CLIP2: variants seen among roughly 807,000 people sequenced by gnomAD.
CLIP2 encodes CAP-Gly domain-containing linker protein 2.
A neutral mutation model predicts 111.7 loss-of-function variants in CLIP2; 41 were observed. That is an observed-to-expected ratio of 0.37 (90% confidence interval 0.29 to 0.48). The LOEUF (loss-of-function observed/expected upper bound fraction) is 0.48. Among genes scored for constraint, CLIP2 ranks in the 20% least tolerant of loss-of-function variants. CLIP2 has a pLI of 0.99. For missense variants in CLIP2, 1,160 were observed against 1,422.1 expected (o/e 0.82, Z 2.96); for synonymous variants, 660 against 644.2 (o/e 1.02, Z -0.37).
At position 74,338,355 on chromosome 7, in the gene CLIP2, G is replaced by C; in HGVS notation, c.122-93G>C. ...CATCTCTACCCAAAAATACAAATCA[G>C]CCACCTCCCAACCCTAGACTCTGTG... On this transcript the variant is annotated intron_variant, in intron 2 of 16. Coordinates refer to ENST00000223398, the MANE Select transcript of CLIP2 (RefSeq NM_003388.5). This position sits in a 1 kb window ranked among gnomAD's most constrained non-coding sequence, Gnocchi z 4.3. The C allele has an allele frequency of 7.4e-7, 1 of 1,344,198 alleles. No homozygotes were observed. Among genetic ancestry groups the C allele is most frequent in the Non-Finnish European group, 1.0e-6 (1 of 995,278 alleles). 83.3% of individuals were successfully genotyped at this position (1,344,198 alleles called of 1,614,324 possible).
chr7:74,294,270 G>T (rs1788110047), intron 1 of CLIP2, among the ~76,000 whole-genome samples: 1 of 152,208 alleles, frequency 6.6e-6, no homozygotes, highest in Non-Finnish European at 1.5e-5. Flanking sequence ...GGGCTGCAAG[G>T]CTAGGGCCGT....
chr7:74,338,858 C>A lies in CLIP2; in HGVS notation c.532C>A (p.Pro178Thr). The change falls in exon 3 of 17, where the codon CCC becomes ACC. Residue 178 changes from proline to threonine, a missense_variant. Pro to Thr is a conservative substitution (Grantham distance 38). Transcript: ENST00000223398. This position sits in a 1 kb window ranked among gnomAD's most constrained non-coding sequence, Gnocchi z 4.3. ...GTCATTGCATTCGGGCACGGCCACGCCCCCGCTGACCAGCCGCGTCATCCC... is the reference window on the plus strand; with the variant it reads ...GTCATTGCATTCGGGCACGGCCACGACCCCGCTGACCAGCCGCGTCATCCC... ...NLSLHSGTAT[P>T]PLTSRVIPLR... 6.2e-7 allele frequency: 1 copy of A among 1,608,960 alleles called. No individual in the cohort carries two copies. The highest frequency in any genetic ancestry group is 8.5e-7 in the Non-Finnish European group (1 of 1,179,894).
At chr7:74,291,514 G>A (rs1436154339) in intron 1 of CLIP2, among the ~76,000 whole-genome samples, 1 of 152,120 alleles carries the variant, frequency 6.6e-6, no homozygotes, top group African/African-American at 2.4e-5. Context: ...TCTCTGCCTC[G>A]ACATCCTCAT....
intron 13 of CLIP2, among the ~76,000 whole-genome samples, chr7:74,391,922 T>C (rs1248842089): frequency 1.3e-5 from 2 of 151,928 alleles, no homozygotes; most frequent in Non-Finnish European, 2.9e-5. Context: ...AATGGGAAGA[T>C]CTGGCATGGC....
At chr7:74,291,394 A>G (rs1584295746) in intron 1 of CLIP2, among the ~76,000 whole-genome samples, 1 of 152,340 alleles carries the variant, frequency 6.6e-6, no homozygotes, top group East Asian at 1.9e-4. Context: ...GCTTTCCGGC[A>G]TCTGCTGTCT....
intron 1 of CLIP2, among the ~76,000 whole-genome samples, chr7:74,305,580 G>C (rs1788455933): frequency 6.6e-6 from 1 of 152,128 alleles, no homozygotes; most frequent in Non-Finnish European, 1.5e-5. Context: ...TGCAATCTCT[G>C]CCTCCTGGGT....
chr7:74,299,785 A>G (rs1584303843), intron 1 of CLIP2, among the ~76,000 whole-genome samples: 2 of 147,254 alleles, frequency 1.4e-5, no homozygotes, highest in Middle Eastern at 3.4e-3. Flanking sequence ...CGCATCCTCC[A>G]CCTTCCGGGT....
At chr7:74,317,049 C>G (rs1554729230) in intron 1 of CLIP2, among the ~76,000 whole-genome samples, 1 of 152,160 alleles carries the variant, frequency 6.6e-6, no homozygotes, top group Non-Finnish European at 1.5e-5. Context: ...TAAAAGTGGT[C>G]TTTGTTGCAA....
intron 8 of CLIP2, among the ~76,000 whole-genome samples, chr7:74,368,717 G>C (rs1178939442): frequency 2.6e-5 from 4 of 151,914 alleles, no homozygotes; most frequent in Non-Finnish European, 4.4e-5. Flanking sequence ...ACTGAATCTA[G>C]TCTTTTTTAA....
chr7:74,388,151 G>C (rs1384063676), intron 12 of CLIP2, among the ~76,000 whole-genome samples: 1 of 152,124 alleles, frequency 6.6e-6, no homozygotes, highest in Non-Finnish European at 1.5e-5. Flanking sequence ...CCAACATGAT[G>C]AAATCCCGTC....
At chr7:74,349,297 G>A (rs1312079689) in intron 3 of CLIP2, among the ~76,000 whole-genome samples, 1 of 151,080 alleles carries the variant, frequency 6.6e-6, no homozygotes, top group Non-Finnish European at 1.5e-5. Flanking sequence ...TGGGCGTGGT[G>A]GCACGTGCCT....
chr7:74,298,466 A>G (rs1554726361), intron 1 of CLIP2, among the ~76,000 whole-genome samples: 13 of 151,086 alleles, frequency 8.6e-5, no homozygotes. Context: ...GGCCTCTGCA[A>G]GTGCTGGGAT....
chr7:74,396,630 C>T (rs1791455022), intron 13 of CLIP2, among the ~76,000 whole-genome samples: 1 of 152,190 alleles, frequency 6.6e-6, no homozygotes, highest in African/African-American at 2.4e-5. Flanking sequence ...AAGTGATTCT[C>T]CTGCCTCAGC....
chr7:74,373,933 C>T (rs1244398734), intron 9 of CLIP2, among the ~76,000 whole-genome samples: 1 of 151,958 alleles, frequency 6.6e-6, no homozygotes, highest in Non-Finnish European at 1.5e-5. Flanking sequence ...TATAATGGGT[C>T]CTGGAGCCAT....
rs782529309 is a variant in CLIP2, at chr7:74,386,543, G to C, written c.2502G>C (p.Lys834Asn). 6.2e-7 allele frequency: 1 copy of C among 1,611,454 alleles called. No homozygotes were observed. Among genetic ancestry groups the C allele is most frequent in the Non-Finnish European group, 8.5e-7 (1 of 1,178,914 alleles). ...TVEGLQDKLN[K>N]RDKEVTALTS... is the part of the protein sequence containing the mutation. The stretch of plus-strand genomic sequence containing the variant: ...TAGGCCTGCAGGACAAGCTGAACAA[G>C]AGGGACAAAGAGGTGACAGCCTTGA... The change falls in exon 12 of 17, where the codon AAG (lysine) becomes AAC (asparagine). Residue 834 changes from lysine to asparagine, a missense_variant. Lys to Asn is a moderately conservative substitution (Grantham distance 94). This residue lies in a region of CLIP2 where 676 missense variants were observed against 777.8 expected (regional missense o/e 0.87). Coordinates refer to ENST00000223398, the MANE Select transcript of CLIP2 (RefSeq NM_003388.5).
In CLIP2 at chr7:74,404,194, G is replaced by A; in HGVS notation, c.*346G>A. The stretch of plus-strand genomic sequence containing the variant: ...AGGAGCTGCCCTGAGGACCATCTTA[G>A]CGGCCCTGTCCTCTTTTTCCGCCCA... On this transcript the variant is annotated 3_prime_UTR_variant, in exon 17 of 17. Coordinates refer to ENST00000223398, the MANE Select transcript of CLIP2 (RefSeq NM_003388.5). 3.2e-6 allele frequency: 1 copy of A among 313,238 alleles called. No homozygotes were observed. The highest frequency in any genetic ancestry group is 6.2e-6 in the Non-Finnish European group (1 of 162,248). The allele number at this position is 313,238 out of a possible 1,614,324, so 19.4% of individuals were successfully genotyped here. A position where few individuals can be genotyped will look rare whatever the true frequency, so the allele number is the denominator to read the frequency against.
intron 16 of CLIP2, among the ~76,000 whole-genome samples, chr7:74,403,467 G>A (rs1791680133): frequency 6.6e-6 from 1 of 152,184 alleles, no homozygotes; most frequent in Admixed American, 6.5e-5. Flanking sequence ...TACTCAGGAG[G>A]CTGAAGCAGG....
intron 1 of CLIP2, among the ~76,000 whole-genome samples, chr7:74,307,725 T>C (rs1303158762): frequency 6.6e-6 from 1 of 152,100 alleles, no homozygotes; most frequent in African/African-American, 2.4e-5. Context: ...ACTCCTGACC[T>C]TGTGATCTGC....
chr7:74,350,607 G>A (rs1391464327), intron 3 of CLIP2, among the ~76,000 whole-genome samples: 3 of 151,458 alleles, frequency 2.0e-5, no homozygotes, highest in Non-Finnish European at 4.4e-5. Flanking sequence ...GCTCACGCCT[G>A]TAATTCCAGC....
Sources: gnomAD v4.1 joint callset for allele counts (sites outside exome capture counted in the v4.1 genomes callset) on GRCh38, gnomAD v4.1.1 for gene constraint, gnomAD v4.1.1 regional missense constraint, Gnocchi (gnomAD v3.1) non-coding constraint, MANE v1.5 for transcripts, NCBI Gene and HGNC (gene_info 2026-07-23, HGNC 2026-07-21) for gene names.